Variants in SGCD observed in about 807,000 individuals in gnomAD.
The protein encoded by SGCD is sarcoglycan delta.
A neutral mutation model predicts 36.6 loss-of-function variants in SGCD; 18 were observed. The ratio of observed to expected loss-of-function variants is 0.49; its 90% CI spans 0.34 to 0.73. The LOEUF (loss-of-function observed/expected upper bound fraction) is 0.73. SGCD is among the 30% of genes least tolerant of loss of function. SGCD has a pLI of 0.01. For synonymous variants in SGCD, 133 were observed against 130.6 expected (o/e 1.02, Z -0.12); for missense variants, 387 against 346.7 (o/e 1.12, Z -0.92).
At chr5:156,672,895 AC>A (rs1292768646) in intron 7 of SGCD, among the ~76,000 whole-genome samples, 1 of 152,100 alleles carries the variant, frequency 6.6e-6, no homozygotes, top group East Asian at 1.9e-4. Context: ...ACTCGTCTCT[AC>A]ATTTTTCTAG....
intron 4 of SGCD, 71 bp downstream of exon 4, chr5:156,508,773 T>C: frequency 1.1e-6 from 1 of 910,050 alleles, no homozygotes; most frequent in Non-Finnish European, 1.7e-6. Context: ...TTGATCTTGC[T>C]ATCAGCTGAG....
chr5:156,379,018 T>C (rs1453294154), intron 3 of SGCD, among the ~76,000 whole-genome samples: 1 of 152,216 alleles, frequency 6.6e-6, no homozygotes. Context: ...CCATTTCATC[T>C]ACTTATGTAC....
intron 3 of SGCD, among the ~76,000 whole-genome samples, chr5:156,176,814 T>C (rs1290845154): frequency 6.6e-6 from 1 of 152,160 alleles, no homozygotes; most frequent in Non-Finnish European, 1.5e-5. Context: ...TCTCTTCCAA[T>C]GTCTACTCCA....
At chr5:156,091,826 A>G (rs1156979308) in intron 1 of SGCD, among the ~76,000 whole-genome samples, 1 of 152,216 alleles carries the variant, frequency 6.6e-6, no homozygotes, top group African/African-American at 2.4e-5. Context: ...ACAGTGACCA[A>G]TTGTCCCAGG....
chr5:156,296,653 T>C (rs1026228634), intron 3 of SGCD, among the ~76,000 whole-genome samples: 11 of 152,228 alleles, frequency 7.2e-5, no homozygotes, highest in African/African-American at 2.7e-4. Context: ...TCACAGAAGA[T>C]ACTTTGTATT....
rs1261456219 is a variant in SGCD at position 156,514,039 on chromosome 5, T to C, written c.294+5337T>C. On this transcript the variant is annotated intron_variant, in intron 4 of 8. Coordinates refer to ENST00000337851, the MANE Select transcript of SGCD (RefSeq NM_000337.6). The stretch of plus-strand genomic sequence containing the variant: ...AATGCTATACAACTCTATGTTTGAA[T>C]GCTATTTCAATGTGATTGGATATCT... 2.6e-5 allele frequency among the ~76,000 whole-genome samples: 4 copies of C among 152,258 alleles called. No homozygotes were observed. In the South Asian group the frequency reaches 8.3e-4, roughly 32 times the overall value.
chr5:156,423,329 A>ATAATATTATATT (rs1284811789), intron 3 of SGCD, among the ~76,000 whole-genome samples: 4 of 41,946 alleles, frequency 9.5e-5, no homozygotes, highest in Non-Finnish European at 1.4e-4. Flanking sequence ...AATATATTTT[A>ATAATATTATATT]TTATAATATA....
chr5:156,184,693 C>T (rs1429565591), intron 3 of SGCD, among the ~76,000 whole-genome samples: 1 of 152,114 alleles, frequency 6.6e-6, no homozygotes, highest in Non-Finnish European at 1.5e-5. Context: ...CTACCACCAC[C>T]TCCTTATTCC....
the SGCD span, among the ~76,000 whole-genome samples, chr5:155,766,793 C>G: frequency 6.6e-6 from 1 of 152,060 alleles, no homozygotes; most frequent in Non-Finnish European, 1.5e-5. Flanking sequence ...CAAATTAAAA[C>G]CAAGGGAGTC....
intron 1 of SGCD, among the ~76,000 whole-genome samples, chr5:156,082,626 C>T (rs1414483379): frequency 6.6e-6 from 1 of 152,172 alleles, no homozygotes; most frequent in Non-Finnish European, 1.5e-5. Flanking sequence ...ACATTCATTT[C>T]TTGAATGACA....
intron 3 of SGCD, among the ~76,000 whole-genome samples, chr5:156,420,535 T>A (rs187906269): frequency 6.6e-6 from 1 of 152,120 alleles, no homozygotes; most frequent in Non-Finnish European, 1.5e-5. Flanking sequence ...TGCCTGATAT[T>A]TCTGTATAAT....
At chr5:155,988,275 G>A (rs1238840044) in intron 1 of SGCD, among the ~76,000 whole-genome samples, 1 of 152,030 alleles carries the variant, frequency 6.6e-6, no homozygotes, top group Non-Finnish European at 1.5e-5. Flanking sequence ...GCATAAAGAA[G>A]GAGAAAATGG....
At chr5:155,852,523 AAAG>A in the SGCD span, among the ~76,000 whole-genome samples, 3 of 152,240 alleles carry the variant, frequency 2.0e-5, no homozygotes, top group East Asian at 3.9e-4. Flanking sequence ...ATATTATTTT[AAAG>A]AAGAATTGTT....
At chr5:156,639,167 T>C (rs1232750990) in intron 6 of SGCD, among the ~76,000 whole-genome samples, 2 of 152,054 alleles carry the variant, frequency 1.3e-5, no homozygotes, top group African/African-American at 4.8e-5. Flanking sequence ...TATGTGTATA[T>C]GTATGTGTGT....
chr5:156,728,929 A>G (rs1050838933), intron 7 of SGCD, among the ~76,000 whole-genome samples: 1 of 152,072 alleles, frequency 6.6e-6, no homozygotes, highest in Admixed American at 6.6e-5. Context: ...ATAATCCTCT[A>G]TCTTTGTTTA....
chr5:156,005,279 G>A (rs544495103), intron 1 of SGCD, among the ~76,000 whole-genome samples: 37 of 152,220 alleles, frequency 2.4e-4, no homozygotes, highest in African/African-American at 8.7e-4. Context: ...GCTTCTGATT[G>A]ATCTTGCTTT....
chr5:156,624,517 T>C (rs1398104053), intron 6 of SGCD, among the ~76,000 whole-genome samples: 3 of 151,868 alleles, frequency 2.0e-5, no homozygotes, highest in Admixed American at 6.6e-5. Context: ...GGAGGCGGAG[T>C]TTGCAGTGAG....
intron 3 of SGCD, among the ~76,000 whole-genome samples, chr5:156,387,871 T>C (rs2127752592): frequency 6.6e-6 from 1 of 152,332 alleles, no homozygotes; most frequent in African/African-American, 2.4e-5. Flanking sequence ...GTTCGTATTA[T>C]AGCCTAAAAC....
rs564223251 is a variant in SGCD, at chr5:156,299,238, T to G, written c.-43-30296T>G. 3.3e-5 allele frequency among the ~76,000 whole-genome samples: 5 copies of G among 152,248 alleles called. No individual in the cohort carries two copies. In the South Asian group the frequency reaches 1.0e-3, roughly 32 times the overall value. On this transcript the variant is annotated intron_variant, in intron 3 of 9. Coordinates refer to the SGCD transcript ENST00000517913. ...ATGTTCTTGGCACCTTTTTTGAAAA[T>G]GAGTTCACTGTAGATGCATGGATTT...
Sources: gnomAD v4.1 joint callset for allele counts (sites outside exome capture counted in the v4.1 genomes callset) on GRCh38, gnomAD v4.1.1 for gene constraint, MANE v1.5 for transcripts, NCBI Gene and HGNC (gene_info 2026-07-23, HGNC 2026-07-21) for gene names.